The following KCNH5 variants were observed in gnomAD, a reference collection of about 807,000 sequenced individuals.
KCNH5 encodes the protein potassium voltage-gated channel subfamily H member 5, also known as voltage-gated delayed rectifier potassium channel KCNH5.
Under a neutral mutation model 96.1 loss-of-function variants are expected in KCNH5, and 46 were observed. The ratio of observed to expected loss-of-function variants is 0.48; its 90% CI spans 0.38 to 0.61. The LOEUF is 0.61. Ranked by LOEUF, KCNH5 falls within the 20% of genes least tolerant of loss-of-function variation. The pLI is 0.00. For missense variants in KCNH5, 907 were observed against 1,225.8 expected (o/e 0.74, Z 3.88); for synonymous variants, 439 against 449.8 (o/e 0.98, Z 0.30).
At chr14:62,814,721 T>G (rs1343202606) in intron 8 of KCNH5, among the ~76,000 whole-genome samples, 1 of 129,270 alleles carries the variant, frequency 7.7e-6, no homozygotes, top group Non-Finnish European at 1.5e-5. Context: ...AGGTGGAGGT[T>G]GCAGTGAACC....
chr14:62,987,022 A>T, intron 5 of KCNH5, 50 bp downstream of exon 5: 1 of 1,228,592 alleles, frequency 8.1e-7, no homozygotes, highest in Non-Finnish European at 1.2e-6. Context: ...TAGGGAAGAA[A>T]AATGTACCAA....
intron 4 of KCNH5, 83 bp downstream of exon 4, chr14:63,001,248 G>T (rs910840894): frequency 1.0e-5 from 13 of 1,288,388 alleles, no homozygotes; most frequent in Non-Finnish European, 1.4e-5. Flanking sequence ...TTGTTTTCCA[G>T]TTCAATCAGC....
chr14:63,045,059 G>C (rs1389929088), intron 1 of KCNH5, 55 bp downstream of exon 1: 3 of 1,341,462 alleles, frequency 2.2e-6, no homozygotes, highest in Non-Finnish European at 3.2e-6. Context: ...GGAGGATGGG[G>C]GGCGCGTGTG....
At chr14:62,730,179 G>A (rs1298063830) in intron 10 of KCNH5, among the ~76,000 whole-genome samples, 2 of 152,100 alleles carry the variant, frequency 1.3e-5, no homozygotes, top group African/African-American at 4.8e-5. Flanking sequence ...TTTGCTTCCA[G>A]ATTGTGCAAG....
At chr14:63,025,953 G>T (rs1891516479) in intron 1 of KCNH5, among the ~76,000 whole-genome samples, 1 of 151,924 alleles carries the variant, frequency 6.6e-6, no homozygotes, top group Non-Finnish European at 1.5e-5. Context: ...TATACTACCA[G>T]ATATCAAAAT....
At chr14:62,725,572 T>C (rs374841797) in intron 10 of KCNH5, among the ~76,000 whole-genome samples, 2 of 152,120 alleles carry the variant, frequency 1.3e-5, no homozygotes, top group African/African-American at 4.8e-5. Flanking sequence ...CAATTGATGA[T>C]ATCAGAGTGG....
chr14:62,911,158 A>C (rs1889145107), intron 7 of KCNH5, among the ~76,000 whole-genome samples: 1 of 152,192 alleles, frequency 6.6e-6, no homozygotes, highest in Admixed American at 6.5e-5. Flanking sequence ...TGAAGGACAC[A>C]CAAGAATATA....
In KCNH5 at chr14:62,797,360, T is replaced by C. The variant is rs537279107; in HGVS notation, c.1822+4969A>G. ...CATGTTTTTAAAAGCAAACAACTGA[T>C]TTGCCCTTTATAAAAATATCTGAAT... On this transcript the variant is annotated intron_variant, in intron 9 of 10. Transcript: ENST00000322893. Among the ~76,000 whole-genome samples the C allele has an allele frequency of 2.6e-5, 4 of 152,346 alleles. No homozygotes were observed. The East Asian group carries it at 7.7e-4, about 29-fold the overall frequency.
chr14:62,932,267 C>T (rs776333787), intron 7 of KCNH5, among the ~76,000 whole-genome samples: 5 of 151,774 alleles, frequency 3.3e-5, no homozygotes, highest in Non-Finnish European at 5.9e-5. Flanking sequence ...TTCTTATACC[C>T]TCAGAAAGAG....
chr14:62,954,903 C>T (rs1890072214), intron 6 of KCNH5, among the ~76,000 whole-genome samples: 1 of 152,034 alleles, frequency 6.6e-6, no homozygotes, highest in African/African-American at 2.4e-5. Flanking sequence ...TATTCACTAC[C>T]ACAAAAATAG....
chr14:62,843,608 C>T (rs1887630597), intron 8 of KCNH5, among the ~76,000 whole-genome samples: 1 of 152,004 alleles, frequency 6.6e-6, no homozygotes, highest in African/African-American at 2.4e-5. Context: ...GACGGGATTT[C>T]ACCATGTTGG....
intron 9 of KCNH5, among the ~76,000 whole-genome samples, chr14:62,789,178 A>C (rs1474695432): frequency 2.0e-5 from 3 of 152,054 alleles, no homozygotes; most frequent in African/African-American, 7.2e-5. Context: ...GAGATCATGC[A>C]ATATATTATT....
At chr14:62,815,592 C>A (rs1366304726) in intron 8 of KCNH5, among the ~76,000 whole-genome samples, 2 of 151,958 alleles carry the variant, frequency 1.3e-5, no homozygotes, top group Non-Finnish European at 2.9e-5. Context: ...CACAAAACAT[C>A]ACACTGTATA....
At chr14:62,950,749 C>G (rs995935939) in intron 6 of KCNH5, among the ~76,000 whole-genome samples, 190 bp from the exon 7 acceptor site, 4 of 152,040 alleles carry the variant, frequency 2.6e-5, no homozygotes, top group Non-Finnish European at 5.9e-5. Context: ...TAGATATCTT[C>G]CTACCCAAAA....
chr14:62,721,054 C>A (rs1224325606), intron 10 of KCNH5, among the ~76,000 whole-genome samples: 1 of 152,306 alleles, frequency 6.6e-6, no homozygotes, highest in East Asian at 1.9e-4. Context: ...TCTGCCCTGG[C>A]AGTGGAATAA....
At chr14:63,029,740 G>A (rs1048055393) in intron 1 of KCNH5, among the ~76,000 whole-genome samples, 1 of 151,682 alleles carries the variant, frequency 6.6e-6, no homozygotes, top group African/African-American at 2.4e-5. Flanking sequence ...CAATCCAGAG[G>A]TTTCTTTTTG....
rs1405378162 is a variant in KCNH5, at chr14:62,854,026, AAC to A, written c.1370-4176_1370-4175del. 2.2e-3 allele frequency among the ~76,000 whole-genome samples: 286 copies of A among 129,656 alleles called. 7 individuals are homozygous for A. The highest frequency in any genetic ancestry group is 6.2e-3 in the African/African-American group (236 of 37,954). The allele number at this position is 129,656 out of a possible 152,430, so 85.1% of individuals were successfully genotyped here. ...TGTCAAAAAAAAAAAAAACAAAAAA[AAC>A]AAAAAAAACAACCCTCATTCATCAC... is the stretch of plus-strand genomic sequence containing the variant. On this transcript the variant is annotated intron_variant, in intron 7 of 10. Transcript: ENST00000322893.
At chr14:63,012,897 G>A (rs926519217) in intron 2 of KCNH5, among the ~76,000 whole-genome samples, 6 of 151,038 alleles carry the variant, frequency 4.0e-5, no homozygotes, top group Non-Finnish European at 7.4e-5. Context: ...TAATTAACAA[G>A]CAGAAGACAG....
At chr14:62,715,627 ACT>A (rs1393432999) in intron 10 of KCNH5, among the ~76,000 whole-genome samples, 1 of 152,106 alleles carries the variant, frequency 6.6e-6, no homozygotes, top group Non-Finnish European at 1.5e-5. Flanking sequence ...GATGCATGAT[ACT>A]CTGTTTTGAG....
Sources: allele counts gnomAD v4.1 joint callset (sites outside exome capture counted in the v4.1 genomes callset), GRCh38; gene constraint gnomAD v4.1.1; transcripts MANE v1.5; gene names NCBI Gene and HGNC (gene_info 2026-07-23, HGNC 2026-07-21).